SLC5A12: variants seen among roughly 807,000 people sequenced by gnomAD.
SLC5A12 encodes solute carrier family 5 member 12, also known as sodium-coupled monocarboxylate transporter 2.
In SLC5A12, 46 loss-of-function variants were observed where a neutral mutation model predicts 72.7. The ratio of observed to expected loss-of-function variants is 0.63; its 90% confidence interval spans 0.50 to 0.81. The LOEUF (loss-of-function observed/expected upper bound fraction) is 0.81, where lower values mean the gene tolerates loss of function less well. Ranked by LOEUF, SLC5A12 falls within the 30% of genes least tolerant of loss-of-function variation. SLC5A12 has a pLI of 0.00. For missense variants in SLC5A12, 683 were observed against 740.7 expected, an observed-to-expected ratio of 0.92 and a Z score of 0.90; for synonymous variants, 275 against 264.4, an observed-to-expected ratio of 1.04 and a Z score of -0.39.
At chr11:26,692,728 C>T (rs945411571) in intron 8 of SLC5A12, 127 bp from the exon 9 acceptor site, 6 of 611,548 alleles carry the variant, frequency 9.8e-6, no homozygotes, top group Non-Finnish European at 2.9e-6. Flanking sequence ...ATATCTCTAT[C>T]TTCTGAGACT....
chr11:26,706,556 G>A (rs1287433005), intron 4 of SLC5A12, among the ~76,000 whole-genome samples: 2 of 151,596 alleles, frequency 1.3e-5, no homozygotes, highest in Non-Finnish European at 2.9e-5. Flanking sequence ...TTCTTCTTTT[G>A]CTTTGATGAA....
At chr11:26,690,914 T>A (rs1238135477) in intron 9 of SLC5A12, among the ~76,000 whole-genome samples, 1 of 151,824 alleles carries the variant, frequency 6.6e-6, no homozygotes, top group Non-Finnish European at 1.5e-5. Flanking sequence ...AACATGTTTT[T>A]AATGTAAGAA....
At chr11:26,672,139 C>A (rs4312025) in intron 14 of SLC5A12, among the ~76,000 whole-genome samples, 22,104 of 151,996 alleles carry the variant, frequency 0.15, 1,748 homozygotes, top group African/African-American at 0.2. Context: ...GAATTCTATA[C>A]ATGTCTGCAC....
chr11:26,678,191 T>G (rs1201071073), intron 13 of SLC5A12, among the ~76,000 whole-genome samples: 2 of 152,158 alleles, frequency 1.3e-5, no homozygotes, highest in African/African-American at 2.4e-5. Context: ...AGTAAGATGG[T>G]GATGACAAAA....
At chr11:26,717,695 T>C (rs1217219730) in intron 1 of SLC5A12, among the ~76,000 whole-genome samples, 1 of 152,196 alleles carries the variant, frequency 6.6e-6, no homozygotes, top group Non-Finnish European at 1.5e-5. Flanking sequence ...AATTTATTAT[T>C]TCTCATAACT....
chr11:26,705,617 C>A (rs1172487958), intron 4 of SLC5A12, among the ~76,000 whole-genome samples: 2 of 152,064 alleles, frequency 1.3e-5, no homozygotes, highest in Non-Finnish European at 1.5e-5. Context: ...TTTGTTCACA[C>A]ATGGTTTGAG....
rs1032113097 is a variant in SLC5A12, at chr11:26,670,975, C to A, written c.*127G>T. The A allele has an allele frequency of 7.8e-6, 6 of 770,254 alleles. No homozygotes were observed. The highest frequency in any genetic ancestry group is 5.4e-5 in the African/African-American group (3 of 55,356). 47.7% of individuals were successfully genotyped at this position (770,254 alleles called of 1,614,324 possible). On this transcript the variant is annotated 3_prime_UTR_variant, in exon 15 of 15. Coordinates refer to ENST00000396005, the MANE Select transcript of SLC5A12 (RefSeq NM_178498.4). ...AGTTATAAATAAGTAGAAATAGGCA[C>A]CAGACATCCCTGTCTTCTAGCAATG... is the stretch of plus-strand genomic sequence containing the variant.
At position 26,667,380 on chromosome 11, in the gene SLC5A12, A is replaced by G. The variant is rs930076224; in HGVS notation, c.*3722T>C. 7 of 152,014 alleles carry G rather than the reference A, an allele frequency of 4.6e-5. No homozygotes were observed. Among genetic ancestry groups the G allele is most frequent in the African/African-American group, 1.7e-4 (7 of 41,454 alleles). 9.4% of individuals were successfully genotyped at this position (152,014 alleles called of 1,614,324 possible). ...GTAACAGCACAAAAATATTTCAGTA[A>G]TATTCTCTTTGAAATACTGTTTGAA... On this transcript the variant is annotated 3_prime_UTR_variant, in exon 15 of 15. Coordinates refer to ENST00000396005, the MANE Select transcript of SLC5A12 (RefSeq NM_178498.4).
intron 10 of SLC5A12, among the ~76,000 whole-genome samples, chr11:26,684,440 A>G (rs75247539): frequency 0.011 from 1,632 of 152,182 alleles, 17 homozygotes; most frequent in African/African-American, 0.032. Context: ...TACATAGGAG[A>G]GTCAATAAGT....
At chr11:26,681,268 T>C (rs1404555358) in intron 11 of SLC5A12, 47 bp from the exon 12 acceptor site, 1 of 1,465,190 alleles carries the variant, frequency 6.8e-7, no homozygotes, top group Non-Finnish European at 9.1e-7. Flanking sequence ...CAAAGCTGTC[T>C]ATGGAAAGAA....
intron 9 of SLC5A12, 44 bp downstream of exon 9, chr11:26,692,445 T>A (rs1246835543): frequency 1.5e-6 from 2 of 1,324,728 alleles, no homozygotes; most frequent in Admixed American, 3.4e-5. Context: ...CTACCACATG[T>A]ACATTTCATG....
At chr11:26,702,028 T>C (rs1377518315) in intron 6 of SLC5A12, among the ~76,000 whole-genome samples, 1 of 152,168 alleles carries the variant, frequency 6.6e-6, no homozygotes, top group Non-Finnish European at 1.5e-5. Context: ...TTTTAAAAAC[T>C]AGATATAACA....
chr11:26,673,505 T>G lies in SLC5A12; in HGVS notation c.1604A>C (p.Gln535Pro). Residue 535 changes from glutamine to proline, a missense_variant, in exon 14 of 15, where the codon CAA (glutamine) becomes CCA (proline). Gln to Pro is a moderately conservative substitution (Grantham distance 76). Transcript: ENST00000396005. Reference sequence around the variant, plus strand: ...ACAAACTGGTCTAATTAACAGTGGTTGAATATCCTCACCTCTTTGGCGACC... The same window carrying G: ...ACAAACTGGTCTAATTAACAGTGGTGGAATATCCTCACCTCTTTGGCGACC... ...ITGRQRGEDI[Q>P]PLLIRPVCNL... 6.2e-7 allele frequency: 1 copy of G among 1,610,286 alleles called. No individual in the cohort carries two copies. Among genetic ancestry groups the G allele is most frequent in the Non-Finnish European group, 8.5e-7 (1 of 1,178,242 alleles).
intron 8 of SLC5A12, among the ~76,000 whole-genome samples, chr11:26,695,411 G>A (rs1033477970): frequency 2.0e-5 from 3 of 152,072 alleles, no homozygotes; most frequent in African/African-American, 7.2e-5. Context: ...TTTCTTATAT[G>A]TATAGTCTAG....
chr11:26,699,996 T>C (rs895504602), intron 6 of SLC5A12, among the ~76,000 whole-genome samples: 1 of 152,212 alleles, frequency 6.6e-6, no homozygotes, highest in African/African-American at 2.4e-5. Context: ...TTTTAAAATA[T>C]ACCATTGGAC....
chr11:26,671,046 T>G lies in SLC5A12; in HGVS notation c.*56A>C. ...ACAAGTAGGCAAGAAGTATGTGGAG[T>G]TTGTGTGTGTGTGTGTGTATTGCAC... is the stretch of plus-strand genomic sequence containing the variant. On this transcript the variant is annotated 3_prime_UTR_variant, in exon 15 of 15. Coordinates refer to ENST00000396005, the MANE Select transcript of SLC5A12 (RefSeq NM_178498.4). 1.4e-6 allele frequency: 2 copies of G among 1,433,696 alleles called. No individual in the cohort carries two copies. The highest frequency in any genetic ancestry group is 2.5e-5 in the East Asian group (1 of 40,430). 88.8% of individuals were successfully genotyped at this position (1,433,696 alleles called of 1,614,324 possible). A position where few individuals can be genotyped will look rare whatever the true frequency, so the allele number is the denominator to read the frequency against.
Position 26,703,636 on chromosome 11 carries a change from C to T in SLC5A12, c.716G>A (p.Trp239Ter). The T allele has an allele frequency of 6.2e-7, 1 of 1,613,778 alleles. No individual in the cohort carries two copies. The highest frequency in any genetic ancestry group is 8.5e-7 in the Non-Finnish European group (1 of 1,179,878). ...DVDPLRRHTF[W>*]TITVGGTFTW... is the part of the protein sequence containing the mutation. ...AAAAGTTCCTCCCACTGTGATAGTC[C>T]AAAAAGTGTGTCGCCTGAGAGGATC... is the stretch of plus-strand genomic sequence containing the variant. Residue 239 changes from tryptophan (W) to a stop codon, truncating the protein, a stop_gained, in exon 6 of 15, where the codon TGG (tryptophan) becomes TAG (stop). Coordinates refer to ENST00000396005, the MANE Select transcript of SLC5A12 (RefSeq NM_178498.4). LOFTEE classifies it high-confidence loss of function.
chr11:26,691,669 T>C (rs866974669), intron 9 of SLC5A12: 4 of 152,184 alleles, frequency 2.6e-5, no homozygotes, highest in Non-Finnish European at 4.4e-5. Flanking sequence ...TAGATAGATA[T>C]AATTTTATTT....
chr11:26,667,735 T>TTAGG lies in SLC5A12; in HGVS notation c.*3366_*3367insCCTA, dbSNP rs1854032485. 1 of 152,016 alleles carries TTAGG rather than the reference T, an allele frequency of 6.6e-6. No homozygotes were observed. The highest frequency in any genetic ancestry group is 1.5e-5 in the Non-Finnish European group (1 of 67,950). The allele number at this position is 152,016 out of a possible 1,614,324, so 9.4% of individuals were successfully genotyped here. A position where few individuals can be genotyped will look rare whatever the true frequency, so the allele number is the denominator to read the frequency against. On this transcript the variant is annotated 3_prime_UTR_variant, in exon 15 of 15. Coordinates refer to ENST00000396005, the MANE Select transcript of SLC5A12 (RefSeq NM_178498.4). ...CAGAATTTAGGACCTTTAGAAAAGT[T>TTAGG]ACTCTCTGGAAAATAATATTTTATT...
Sources: gnomAD v4.1 joint callset for allele counts (sites outside exome capture counted in the v4.1 genomes callset) on GRCh38, gnomAD v4.1.1 for gene constraint, MANE v1.5 for transcripts, NCBI Gene and HGNC (gene_info 2026-07-23, HGNC 2026-07-21) for gene names.